NR0B2: variants seen among roughly 807,000 people sequenced by gnomAD.
NR0B2 encodes the protein nuclear receptor SHP.
In NR0B2, 17 loss-of-function variants were observed where a neutral mutation model predicts 18.9. The ratio of observed to expected loss-of-function variants is 0.90; its 90% confidence interval spans 0.62 to 1.35. The LOEUF is 1.35. Among genes scored for constraint, NR0B2 ranks in the 40% most tolerant of loss-of-function variants. NR0B2 has a pLI of 0.00. For missense variants in NR0B2, 312 were observed against 333.3 expected (o/e 0.94, Z 0.50); for synonymous variants, 116 against 138.5 (o/e 0.84, Z 1.14).
At chr1:26,912,484 A>G (rs1480015116) in intron 1 of NR0B2, among the ~76,000 whole-genome samples, 3 of 151,838 alleles carry the variant, frequency 2.0e-5, no homozygotes, top group African/African-American at 7.3e-5. Context: ...TATATGTAAA[A>G]CCCTTAGAAT....
chr1:26,911,996 G>A lies in NR0B2; in HGVS notation c.623C>T (p.Pro208Leu), dbSNP rs753926122. The change falls in exon 2 of 2, where the codon CCA (proline) becomes CTA (leucine). Residue 208 changes from proline (P) to leucine (L), a missense_variant. Physicochemically the swap from Pro to Leu is moderately conservative, Grantham distance 98. Coordinates refer to ENST00000254227, the MANE Select transcript of NR0B2 (RefSeq NM_021969.3). ...VLCEVLEPWC[P>L]AAQGRLTRVL... ...ACGGGTCAGGCGGCCTTGGGCTGCT[G>A]GGCACCAGGGTTCCAGGACTTCACA... 5 of 1,614,216 alleles carry A rather than the reference G, an allele frequency of 3.1e-6. No homozygotes were observed. The highest frequency in any genetic ancestry group is 4.2e-6 in the Non-Finnish European group (5 of 1,180,034).
chr1:26,912,853 C>T (rs1399465004), intron 1 of NR0B2, among the ~76,000 whole-genome samples: 1 of 152,220 alleles, frequency 6.6e-6, no homozygotes, highest in Non-Finnish European at 1.5e-5. Flanking sequence ...GCAAATTTCT[C>T]AGGCAGAGTG....
At chr1:26,913,366 T>A in intron 1 of NR0B2, 43 bp downstream of exon 1, 1 of 1,595,924 alleles carries the variant, frequency 6.3e-7, no homozygotes, top group Non-Finnish European at 8.6e-7. Flanking sequence ...GGCTGGCCCC[T>A]GCTTCAGCCT....
rs2082026197 is a variant in NR0B2 at position 26,911,510 on chromosome 1, A to G, written c.*335T>C. ...CCAAGTGTTTCATACCTTTTATTACAAAAATCAATAACTTAATTCAGTTCT... is the reference window on the plus strand; with the variant it reads ...CCAAGTGTTTCATACCTTTTATTACGAAAATCAATAACTTAATTCAGTTCT... On this transcript the variant is annotated 3_prime_UTR_variant, in exon 2 of 2. Transcript: ENST00000254227. 2.8e-6 allele frequency: 1 copy of G among 359,340 alleles called. No homozygotes were observed. Among genetic ancestry groups the G allele is most frequent in the South Asian group, 2.3e-5 (1 of 43,246 alleles). 22.3% of individuals were successfully genotyped at this position (359,340 alleles called of 1,614,324 possible). A position where few individuals can be genotyped will look rare whatever the true frequency, so the allele number is the denominator to read the frequency against.
At chr1:26,913,315 A>G (rs1557667086) in intron 1 of NR0B2, 94 bp downstream of exon 1, 5 of 1,116,892 alleles carry the variant, frequency 4.5e-6, no homozygotes, top group Admixed American at 1.7e-5. Flanking sequence ...TGAGGACCCA[A>G]TGAGATAACA....
At chr1:26,913,321 T>C (rs1057324003) in intron 1 of NR0B2, 88 bp downstream of exon 1, 3 of 1,164,738 alleles carry the variant, frequency 2.6e-6, no homozygotes, top group Non-Finnish European at 3.9e-6. Context: ...CCCAATGAGA[T>C]AACAGATATC....
chr1:26,911,751 C>A lies in NR0B2; in HGVS notation c.*94G>T. ...CAAGTGCTGTCTATACAGGCTTGCC[C>A]CCTCCAGGAGCATTGGGTCACCTCT... On this transcript the variant is annotated 3_prime_UTR_variant, in exon 2 of 2. Coordinates refer to ENST00000254227, the MANE Select transcript of NR0B2 (RefSeq NM_021969.3). The A allele has an allele frequency of 6.7e-7, 1 of 1,485,312 alleles. No homozygotes were observed. The highest frequency in any genetic ancestry group is 1.1e-5 in the South Asian group (1 of 87,252). 92.0% of individuals were successfully genotyped at this position (1,485,312 alleles called of 1,614,324 possible). A position where few individuals can be genotyped will look rare whatever the true frequency, so the allele number is the denominator to read the frequency against.
At chr1:26,913,310 A>G in intron 1 of NR0B2, 99 bp downstream of exon 1, 1 of 1,050,776 alleles carries the variant, frequency 9.5e-7, no homozygotes, top group Non-Finnish European at 1.5e-6. Flanking sequence ...GAAAATGAGG[A>G]CCCAATGAGA....
chr1:26,913,772 G>C lies in NR0B2; in HGVS notation c.169C>G (p.Arg57Gly). The C allele has an allele frequency of 6.4e-7, 1 of 1,566,364 alleles. No homozygotes were observed. ...TTGGCCAGAACATCCAAGGCCTCCC[G>C]GCAGGTGCGATGAGGTGCACATAGC... is the stretch of plus-strand genomic sequence containing the variant. ...VQLCAPHRTC[R>G]EALDVLAKTV... The change falls in exon 1 of 2, where the codon CGG becomes GGG. Residue 57 changes from arginine (R) to glycine (G), a missense_variant. By Grantham distance (125) the Arg-to-Gly change is moderately radical (BLOSUM62 -2). Coordinates refer to ENST00000254227, the MANE Select transcript of NR0B2 (RefSeq NM_021969.3).
chr1:26,912,551 TTAC>T (rs965139006), intron 1 of NR0B2, among the ~76,000 whole-genome samples: 1 of 152,204 alleles, frequency 6.6e-6, no homozygotes, highest in Non-Finnish European at 1.5e-5. Flanking sequence ...TTACAATTAA[TTAC>T]TACGATTTAT....
rs748078274 is a variant in NR0B2, at chr1:26,913,606, G to T, written c.335C>A (p.Ala112Asp). The T allele has an allele frequency of 1.9e-6, 3 of 1,614,066 alleles. No individual in the cohort carries two copies. The highest frequency in any genetic ancestry group is 3.3e-5 in the Admixed American group (2 of 60,012). ...CTTCTTGAGTATGCTGGGCACCGGG[G>T]CCTCAGCCACCTCAAAGGTCACAGC... is the stretch of plus-strand genomic sequence containing the variant. The part of the protein sequence containing the change: ...QDAVTFEVAE[A>D]PVPSILKKIL... The change falls in exon 1 of 2, where the codon GCC becomes GAC. Residue 112 changes from alanine to aspartate, a missense_variant. By Grantham distance (126) the Ala-to-Asp change is moderately radical. Transcript: ENST00000254227.
chr1:26,913,716 G>A lies in NR0B2; in HGVS notation c.225C>T (p.Ser75=), dbSNP rs1410393316. ...GGTCCTGGGGAGGCAGCTGCCAGAAGGATGGCAGGTTCCTGAGGAAGGCCA... is the reference window on the plus strand; with the variant it reads ...GGTCCTGGGGAGGCAGCTGCCAGAAAGATGGCAGGTTCCTGAGGAAGGCCA... ...KTVAFLRNLP[S]FWQLPPQDQR... The change falls in exon 1 of 2, where the codon TCC becomes TCT. Residue 75 remains serine (S), a synonymous_variant. Coordinates refer to ENST00000254227, the MANE Select transcript of NR0B2 (RefSeq NM_021969.3). The A allele has an allele frequency of 1.9e-6, 3 of 1,608,628 alleles. No individual in the cohort carries two copies. Among genetic ancestry groups the A allele is most frequent in the East Asian group, 2.2e-5 (1 of 44,728 alleles).
In NR0B2 at chr1:26,911,831, T is replaced by G. The variant is rs747615555; in HGVS notation, c.*14A>C. On this transcript the variant is annotated 3_prime_UTR_variant, in exon 2 of 2. Coordinates refer to ENST00000254227, the MANE Select transcript of NR0B2 (RefSeq NM_021969.3). ...AGCCTCTGCCCACCTGATCTCTGCCTGGGCTGGAACAGGTCACCTGAGCAA... is the reference window on the plus strand; with the variant it reads ...AGCCTCTGCCCACCTGATCTCTGCCGGGGCTGGAACAGGTCACCTGAGCAA... 6.2e-7 allele frequency: 1 copy of G among 1,614,012 alleles called. No homozygotes were observed. Among genetic ancestry groups the G allele is most frequent in the Admixed American group, 1.7e-5 (1 of 60,000 alleles).
chr1:26,913,184 G>A (rs888295792), intron 1 of NR0B2, among the ~76,000 whole-genome samples: 1 of 152,120 alleles, frequency 6.6e-6, no homozygotes, highest in African/African-American at 2.4e-5. Context: ...TACTCGGGAG[G>A]CTGAGGCAGA....
intron 1 of NR0B2, among the ~76,000 whole-genome samples, chr1:26,912,671 C>G (rs896949110): frequency 6.6e-6 from 1 of 152,186 alleles, no homozygotes; most frequent in Non-Finnish European, 1.5e-5. Context: ...ATAAAGACTC[C>G]TTTCCTGTCC....
In NR0B2 at chr1:26,911,952, T is replaced by C; in HGVS notation, c.667A>G (p.Thr223Ala). ...RLTRVLLTAS[T>A]LKSIPTSLLG... Reference sequence around the variant, plus strand: ...AGGCTGGTCGGAATGGACTTGAGGGTGGAGGCCGTGAGGAGGACACGGGTC... The same window carrying C: ...AGGCTGGTCGGAATGGACTTGAGGGCGGAGGCCGTGAGGAGGACACGGGTC... Residue 223 changes from threonine to alanine, a missense_variant, in exon 2 of 2, where the codon ACC becomes GCC. Coordinates refer to ENST00000254227, the MANE Select transcript of NR0B2 (RefSeq NM_021969.3). 1 of 1,614,028 alleles carries C rather than the reference T, an allele frequency of 6.2e-7. No homozygotes were observed. The highest frequency in any genetic ancestry group is 1.1e-5 in the South Asian group (1 of 91,060).
At position 26,911,985 on chromosome 1, in the gene NR0B2, C is replaced by T. The variant is rs772429597; in HGVS notation, c.634G>A (p.Gly212Ser). ...VLEPWCPAAQ[G>S]RLTRVLLTAS... is the part of the protein sequence containing the mutation. ...GTGAGGAGGACACGGGTCAGGCGGC[C>T]TTGGGCTGCTGGGCACCAGGGTTCC... The change falls in exon 2 of 2, where the codon GGC (glycine) becomes AGC (serine). Residue 212 changes from glycine (G) to serine (S), a missense_variant. Transcript: ENST00000254227. 1.9e-6 allele frequency: 3 copies of T among 1,614,238 alleles called. No individual in the cohort carries two copies. In the East Asian group the frequency reaches 6.7e-5, roughly 36 times the overall value.
rs765631987 is a variant in NR0B2 at position 26,913,780 on chromosome 1, C to T, written c.161G>A (p.Arg54His). The T allele has an allele frequency of 1.9e-5, 29 of 1,558,000 alleles. No homozygotes were observed. Among genetic ancestry groups the T allele is most frequent in the South Asian group, 4.9e-5 (4 of 82,348 alleles). Residue 54 changes from arginine (R) to histidine (H), a missense_variant, in exon 1 of 2, where the codon CGC (arginine) becomes CAC (histidine). Coordinates refer to ENST00000254227, the MANE Select transcript of NR0B2 (RefSeq NM_021969.3). Reference sequence around the variant, plus strand: ...AACATCCAAGGCCTCCCGGCAGGTGCGATGAGGTGCACATAGCTGGACGGG... The same window carrying T: ...AACATCCAAGGCCTCCCGGCAGGTGTGATGAGGTGCACATAGCTGGACGGG... ...HRPVQLCAPH[R>H]TCREALDVLA...
chr1:26,911,749 C>G lies in NR0B2; in HGVS notation c.*96G>C, dbSNP rs191837512. The G allele has an allele frequency of 5.5e-6, 8 of 1,455,472 alleles. No homozygotes were observed. The highest frequency in any genetic ancestry group is 3.5e-4 in the Middle Eastern group (2 of 5,750). The allele number at this position is 1,455,472 out of a possible 1,614,324, so 90.2% of individuals were successfully genotyped here. On this transcript the variant is annotated 3_prime_UTR_variant, in exon 2 of 2. Coordinates refer to ENST00000254227, the MANE Select transcript of NR0B2 (RefSeq NM_021969.3). ...GCCAAGTGCTGTCTATACAGGCTTG[C>G]CCCCTCCAGGAGCATTGGGTCACCT...
Sources: gnomAD v4.1 joint callset for allele counts (sites outside exome capture counted in the v4.1 genomes callset) on GRCh38, gnomAD v4.1.1 for gene constraint, MANE v1.5 for transcripts, NCBI Gene and HGNC (gene_info 2026-07-23, HGNC 2026-07-21) for gene names.